Variants in HECW2 observed in about 807,000 individuals in gnomAD.
HECW2 encodes the protein HECT, C2 and WW domain containing E3 ubiquitin protein ligase 2, also known as E3 ubiquitin-protein ligase HECW2.
HECW2 carries 61 observed loss-of-function variants against 175.2 expected under a neutral mutation model. That is an observed-to-expected ratio of 0.35 (90% CI 0.28 to 0.43). The LOEUF is 0.43. Among genes scored for constraint, HECW2 ranks in the 20% least tolerant of loss-of-function variants. The pLI is 1.00. For missense variants in HECW2, 1,524 were observed against 2,000.5 expected (o/e 0.76, Z 4.54); for synonymous variants, 671 against 731.0 (o/e 0.92, Z 1.32).
chr2:196,328,924 T>C (rs958477277), intron 5 of HECW2, among the ~76,000 whole-genome samples: 4 of 152,172 alleles, frequency 2.6e-5, no homozygotes, highest in East Asian at 1.9e-4. Flanking sequence ...TATATTATTG[T>C]ATATGAAAAT....
chr2:196,436,412 A>T (rs1695876796), intron 1 of HECW2, among the ~76,000 whole-genome samples: 1 of 151,868 alleles, frequency 6.6e-6, no homozygotes, highest in Admixed American at 6.6e-5. Flanking sequence ...AAAAAAAAAA[A>T]AAAAAAAAAG....
At chr2:196,389,306 A>C (rs16850683) in intron 2 of HECW2, among the ~76,000 whole-genome samples, 28,497 of 152,128 alleles carry the variant, frequency 0.19, 4,048 homozygotes, top group African/African-American at 0.39. Flanking sequence ...AGACCTACAG[A>C]GAGTTATTTC....
chr2:196,297,108 C>A (rs1690844753), intron 13 of HECW2, among the ~76,000 whole-genome samples: 1 of 152,210 alleles, frequency 6.6e-6, no homozygotes, highest in Non-Finnish European at 1.5e-5. Context: ...TGGGAAGCCA[C>A]TGCACGTGGA....
intron 15 of HECW2, among the ~76,000 whole-genome samples, chr2:196,275,229 C>T (rs1358660009): frequency 6.6e-6 from 1 of 152,130 alleles, no homozygotes; most frequent in Non-Finnish European, 1.5e-5. Flanking sequence ...CTCCTCTGAG[C>T]TCCCACAGAA....
chr2:196,441,021 CAA>C (rs1696025102), intron 1 of HECW2, among the ~76,000 whole-genome samples: 2 of 152,284 alleles, frequency 1.3e-5, no homozygotes, highest in African/African-American at 4.8e-5. Flanking sequence ...TTCAAGAGGT[CAA>C]GAGAGATTTA....
chr2:196,334,380 C>T, intron 4 of HECW2, 44 bp downstream of exon 4: 1 of 1,438,456 alleles, frequency 7.0e-7, no homozygotes, highest in African/African-American at 1.4e-5. Context: ...AAATCAAGAC[C>T]CAGCATGGAT....
chr2:196,395,008 G>C (rs779868666), intron 2 of HECW2, among the ~76,000 whole-genome samples: 1 of 152,132 alleles, frequency 6.6e-6, no homozygotes, highest in African/African-American at 2.4e-5. Context: ...CTTGGTAGAA[G>C]GGGCCAGATA....
chr2:196,280,557 T>A (rs1223544026), intron 14 of HECW2, among the ~76,000 whole-genome samples: 1 of 152,174 alleles, frequency 6.6e-6, no homozygotes, highest in Non-Finnish European at 1.5e-5. Flanking sequence ...TACTATCCAA[T>A]TCTGGGTACA....
chr2:196,323,803 T>G (rs534867578), intron 6 of HECW2, among the ~76,000 whole-genome samples: 1 of 152,288 alleles, frequency 6.6e-6, no homozygotes, highest in Admixed American at 6.5e-5. Flanking sequence ...TGTTTCATTA[T>G]CATATCTATT....
At chr2:196,525,612 G>T (rs1688610960) in intron 1 of HECW2, among the ~76,000 whole-genome samples, 1 of 143,968 alleles carries the variant, frequency 6.9e-6, no homozygotes, top group Non-Finnish European at 1.5e-5. Context: ...GCAGCGGCTG[G>T]TACCGGTTGT....
At chr2:196,418,500 C>T (rs962163071) in intron 2 of HECW2, among the ~76,000 whole-genome samples, 1 of 152,078 alleles carries the variant, frequency 6.6e-6, no homozygotes, top group African/African-American at 2.4e-5. Flanking sequence ...ATAACTATAT[C>T]GCAAATATAC....
intron 2 of HECW2, among the ~76,000 whole-genome samples, chr2:196,384,708 A>C (rs1449908784): frequency 6.6e-6 from 1 of 151,056 alleles, no homozygotes; most frequent in African/African-American, 2.5e-5. Context: ...TATTTTTTAC[A>C]TTCATTCATT....
intron 1 of HECW2, among the ~76,000 whole-genome samples, chr2:196,501,741 A>T (rs1380663686): frequency 1.3e-5 from 2 of 152,208 alleles, no homozygotes; most frequent in Non-Finnish European, 2.9e-5. Context: ...TCAAAACATA[A>T]AGTGACTTAG....
chr2:196,523,781 T>C (rs949263080), intron 1 of HECW2, among the ~76,000 whole-genome samples: 1 of 150,972 alleles, frequency 6.6e-6, no homozygotes, highest in Non-Finnish European at 1.5e-5. Flanking sequence ...ATTACATTTA[T>C]TGATTTGCGT....
intron 15 of HECW2, among the ~76,000 whole-genome samples, chr2:196,278,133 A>AAAAAAAAAATATATAT (rs531920307): frequency 7.5e-5 from 5 of 66,570 alleles, no homozygotes; most frequent in African/African-American, 2.1e-4. Flanking sequence ...ATAATTAAAA[A>AAAAAAAAAATATATAT]ATATATATAT....
intron 27 of HECW2, among the ~76,000 whole-genome samples, chr2:196,216,566 T>A (rs544529105): frequency 6.6e-6 from 1 of 152,050 alleles, no homozygotes; most frequent in African/African-American, 2.4e-5. Flanking sequence ...TTTCCCACTG[T>A]TCTTGAATGT....
At chr2:196,407,043 T>G (rs1473616273) in intron 2 of HECW2, among the ~76,000 whole-genome samples, 1 of 152,216 alleles carries the variant, frequency 6.6e-6, no homozygotes, top group Admixed American at 6.5e-5. Flanking sequence ...TCCCAGGATC[T>G]AGAAGTATGT....
chr2:196,358,010 C>T (rs1693441931), intron 2 of HECW2, among the ~76,000 whole-genome samples: 1 of 152,164 alleles, frequency 6.6e-6, no homozygotes, highest in Non-Finnish European at 1.5e-5. Flanking sequence ...ATGTATATAT[C>T]ACACATTACA....
At chr2:196,436,400 CA>C (rs35290180) in intron 1 of HECW2, among the ~76,000 whole-genome samples, 70,346 of 81,878 alleles carry the variant, frequency 0.86, 30,111 homozygotes, top group East Asian at 0.96. Flanking sequence ...GACTCCATCT[CA>C]AAAAAAAAAA....
Sources: gnomAD v4.1 joint callset for allele counts (sites outside exome capture counted in the v4.1 genomes callset) on GRCh38, gnomAD v4.1.1 for gene constraint, MANE v1.5 for transcripts, NCBI Gene and HGNC (gene_info 2026-07-23, HGNC 2026-07-21) for gene names.